The following DYNC2H1 variants were observed in gnomAD, a reference collection of about 807,000 sequenced individuals.
DYNC2H1 encodes dynein cytoplasmic 2 heavy chain 1.
DYNC2H1 carries 410 observed loss-of-function variants against 570.0 expected under a neutral mutation model. That is an observed-to-expected ratio of 0.72 (90% CI 0.66 to 0.78). The LOEUF is 0.78. DYNC2H1 is among the 30% of genes least tolerant of loss of function. DYNC2H1 has a pLI of 0.00. For synonymous variants in DYNC2H1, 1,688 were observed against 1,677.6 expected, an observed-to-expected ratio of 1.01 and a Z score of -0.15; for missense variants, 4,865 against 5,046.4, an observed-to-expected ratio of 0.96 and a Z score of 1.09.
At chr11:103,432,025 G>A (rs958152803) in intron 84 of DYNC2H1, among the ~76,000 whole-genome samples, 4 of 152,082 alleles carry the variant, frequency 2.6e-5, no homozygotes, top group African/African-American at 9.7e-5. Flanking sequence ...GAACGCTGTA[G>A]TGGATCAGAC....
At chr11:103,462,576 G>T (rs969288573) in intron 87 of DYNC2H1, among the ~76,000 whole-genome samples, 2 of 152,016 alleles carry the variant, frequency 1.3e-5, no homozygotes, top group African/African-American at 2.4e-5. Context: ...AAATTCTTCT[G>T]CAAAGAGGCT....
intron 70 of DYNC2H1, among the ~76,000 whole-genome samples, chr11:103,263,022 C>CAAAAAAAAAAAAAAA (rs35912109): frequency 9.8e-4 from 39 of 39,962 alleles, no homozygotes; most frequent in East Asian, 1.7e-3. Flanking sequence ...AAATGGAAAG[C>CAAAAAAAAAAAAAAA]AAAAAAAAAA....
At chr11:103,422,181 G>C (rs996517923) in intron 84 of DYNC2H1, among the ~76,000 whole-genome samples, 6 of 152,094 alleles carry the variant, frequency 3.9e-5, no homozygotes, top group African/African-American at 1.4e-4. Context: ...AATGAATTCT[G>C]AAATTGAGGC....
At chr11:103,371,168 C>T (rs1237056233) in intron 83 of DYNC2H1, among the ~76,000 whole-genome samples, 1 of 151,990 alleles carries the variant, frequency 6.6e-6, no homozygotes, top group East Asian at 1.9e-4. Flanking sequence ...AACTGGCATA[C>T]TGAAGAATGC....
chr11:103,182,674 G>A (rs900421101), intron 40 of DYNC2H1, among the ~76,000 whole-genome samples: 5 of 151,810 alleles, frequency 3.3e-5, no homozygotes, highest in Non-Finnish European at 7.4e-5. Context: ...AGAAGACCGT[G>A]GAGGGTGTTC....
intron 21 of DYNC2H1, 52 bp from the exon 22 acceptor site, chr11:103,153,251 C>G (rs1442420914): frequency 7.0e-7 from 1 of 1,434,798 alleles, no homozygotes; most frequent in Non-Finnish European, 9.2e-7. Flanking sequence ...AGTATGAACC[C>G]AAAATGAAAT....
Position 103,263,037 on chromosome 11 carries a change from A to C in DYNC2H1, c.10695+3060A>C, listed in dbSNP as rs1314540441. ...AAATGGAAAGCAAAAAAAAAAAAAA[A>C]AAAAAAAAAGCAGGGTTTGCAATCC... On this transcript the variant is annotated intron_variant, in intron 70 of 88. Coordinates refer to ENST00000375735, the MANE Select transcript of DYNC2H1 (RefSeq NM_001377.3). Among the ~76,000 whole-genome samples, 114 of 149,330 alleles carry C rather than the reference A, an allele frequency of 7.6e-4. 1 individual carries two copies. The highest frequency in any genetic ancestry group is 2.8e-3 in the African/African-American group (111 of 39,938).
At position 103,109,498 on chromosome 11, in the gene DYNC2H1, C is replaced by A; in HGVS notation, c.-77C>A. ...GGCTACGGGTTTGAGCAAAGCTCCT[C>A]TCTTCCCTTCACTTCCCTCCGGACT... On this transcript the variant is annotated 5_prime_UTR_variant, in exon 1 of 89. Transcript: ENST00000375735. 1 of 1,396,230 alleles carries A rather than the reference C, an allele frequency of 7.2e-7. No homozygotes were observed. The highest frequency in any genetic ancestry group is 9.8e-7 in the Non-Finnish European group (1 of 1,017,568). 86.5% of individuals were successfully genotyped at this position (1,396,230 alleles called of 1,614,324 possible). A position where few individuals can be genotyped will look rare whatever the true frequency, so the allele number is the denominator to read the frequency against.
chr11:103,396,403 T>C (rs577724921), intron 83 of DYNC2H1, among the ~76,000 whole-genome samples: 2 of 152,326 alleles, frequency 1.3e-5, no homozygotes, highest in Admixed American at 6.5e-5. Flanking sequence ...AACAGCAGAA[T>C]TGAGTAGTTG....
chr11:103,256,047 G>T lies in DYNC2H1; in HGVS notation c.10327-59G>T, dbSNP rs1865043742. The T allele has an allele frequency of 1.4e-6, 2 of 1,425,340 alleles. No individual in the cohort carries two copies. The highest frequency in any genetic ancestry group is 2.9e-5 in the African/African-American group (2 of 69,180). The allele number at this position is 1,425,340 out of a possible 1,614,324, so 88.3% of individuals were successfully genotyped here. A position where few individuals can be genotyped will look rare whatever the true frequency, so the allele number is the denominator to read the frequency against. ...AATGAATGACAGTTAATATGGGTTT[G>T]CTTTAATTGGTTATTTTTATATGTA... On this transcript the variant is annotated intron_variant, in intron 67 of 88. Coordinates refer to ENST00000375735, the MANE Select transcript of DYNC2H1 (RefSeq NM_001377.3). The surrounding 1 kb of genome is among the most constrained non-coding windows in gnomAD (Gnocchi z 4.0).
intron 83 of DYNC2H1, among the ~76,000 whole-genome samples, chr11:103,387,658 C>A (rs1363270584): frequency 6.6e-6 from 1 of 152,052 alleles, no homozygotes; most frequent in East Asian, 1.9e-4. Context: ...GTCTTTAATC[C>A]ATCTTGAATT....
chr11:103,415,324 T>C (rs1375696544), intron 84 of DYNC2H1, among the ~76,000 whole-genome samples: 2 of 151,934 alleles, frequency 1.3e-5, no homozygotes, highest in African/African-American at 4.8e-5. Flanking sequence ...ACAAATGAGA[T>C]CTAATTAAAC....
rs146862752 is a variant in DYNC2H1, at chr11:103,326,052, A to C, written c.12039+2062A>C. Among the ~76,000 whole-genome samples the C allele has an allele frequency of 5.4e-3, 823 of 152,100 alleles. 4 individuals carry two copies. The highest frequency in any genetic ancestry group is 0.019 in the African/African-American group (787 of 41,484). ...GGCCAAGGCTCTGTACAGTGTCTTT[A>C]TTTGTGGGTGAATTCTTGCTCTTGG... is the stretch of plus-strand genomic sequence containing the variant. On this transcript the variant is annotated intron_variant, in intron 82 of 88. Coordinates refer to ENST00000375735, the MANE Select transcript of DYNC2H1 (RefSeq NM_001377.3). This position sits in a 1 kb window ranked among gnomAD's most constrained non-coding sequence, Gnocchi z 6.1.
Position 103,312,029 on chromosome 11 carries a change from C to T in DYNC2H1, c.11645C>T (p.Pro3882Leu). ...TGTCAAGAAAGAAGAAACTATATTC[C>T]TCAGGTAAGTAAGAACATGTCTTGA... ...AACQERRNYI[P>L]QGWTKFYEFS... Residue 3882 changes from proline (P) to leucine (L), a missense_variant, in exon 79 of 89, where the codon CCT becomes CTT. Pro to Leu is a moderately conservative substitution (Grantham distance 98). Transcript: ENST00000375735. The T allele has an allele frequency of 6.2e-7, 1 of 1,607,400 alleles. No individual in the cohort carries two copies. Among genetic ancestry groups the T allele is most frequent in the South Asian group, 1.1e-5 (1 of 89,476 alleles).
At chr11:103,464,904 T>C (rs1400650133) in intron 87 of DYNC2H1, among the ~76,000 whole-genome samples, 1 of 152,186 alleles carries the variant, frequency 6.6e-6, no homozygotes, top group Non-Finnish European at 1.5e-5. Context: ...TAGTGTGTAA[T>C]TTAACTTAAA....
rs554011988 is a variant in DYNC2H1 at position 103,294,237 on chromosome 11, T to A, written c.11095+6632T>A. On this transcript the variant is annotated intron_variant, in intron 75 of 88. Transcript: ENST00000375735. Reference sequence around the variant, plus strand: ...ACCTTATTTAGTTCATTTGCTGAGGTCATGTTTTCTTGGATGTTTCTGATG... The same window carrying A: ...ACCTTATTTAGTTCATTTGCTGAGGACATGTTTTCTTGGATGTTTCTGATG... Among the ~76,000 whole-genome samples, 100 of 152,242 alleles carry A rather than the reference T, an allele frequency of 6.6e-4. 2 individuals carry two copies. The South Asian group carries it at 0.018, about 28-fold the overall frequency.
At position 103,177,191 on chromosome 11, in the gene DYNC2H1, C is replaced by T. The variant is rs1030685937; in HGVS notation, c.5875-365C>T. Among the ~76,000 whole-genome samples, 1 of 151,770 alleles carries T rather than the reference C, an allele frequency of 6.6e-6. No homozygotes were observed. Among genetic ancestry groups the T allele is most frequent in the African/African-American group, 2.4e-5 (1 of 41,282 alleles). ...AATTGTCCAAAATTAGCACTTTGCC[C>T]TCAGTTTTGGAGAGAAGTAAGATAA... On this transcript the variant is annotated intron_variant, in intron 37 of 88. Transcript: ENST00000375735. The surrounding 1 kb of genome is among the most constrained non-coding windows in gnomAD (Gnocchi z 4.4).
At chr11:103,160,271 T>C (rs1453176044) in intron 28 of DYNC2H1, among the ~76,000 whole-genome samples, 1 of 152,118 alleles carries the variant, frequency 6.6e-6, no homozygotes, top group African/African-American at 2.4e-5. Flanking sequence ...TAAAGTAATA[T>C]GCAAATTTGG....
chr11:103,322,575 T>A (rs941923114), intron 81 of DYNC2H1, among the ~76,000 whole-genome samples: 2 of 152,278 alleles, frequency 1.3e-5, no homozygotes, highest in South Asian at 4.1e-4. Context: ...GGTATATATA[T>A]ATTTTTATGT....
Sources: allele counts gnomAD v4.1 joint callset (sites outside exome capture counted in the v4.1 genomes callset), GRCh38; gene constraint gnomAD v4.1.1; non-coding constraint Gnocchi (gnomAD v3.1); transcripts MANE v1.5; gene names NCBI Gene and HGNC (gene_info 2026-07-23, HGNC 2026-07-21).